Variants in ZNF521 observed in about 807,000 individuals in gnomAD.
The protein encoded by ZNF521 is LYST-interacting protein 3.
ZNF521 carries 14 observed loss-of-function variants against 105.5 expected under a neutral mutation model. The ratio of observed to expected loss-of-function variants is 0.13; its 90% CI spans 0.09 to 0.21. The LOEUF (loss-of-function observed/expected upper bound fraction) is 0.21, where lower values mean the gene tolerates loss of function less well. Among genes scored for constraint, ZNF521 ranks in the 10% least tolerant of loss-of-function variants. The pLI is 1.00. For missense variants in ZNF521, 1,233 were observed against 1,629.7 expected, an observed-to-expected ratio of 0.76 and a Z score of 4.19; for synonymous variants, 635 against 606.0, an observed-to-expected ratio of 1.05 and a Z score of -0.70.
chr18:25,259,613 G>A (rs1908769169), intron 3 of ZNF521, among the ~76,000 whole-genome samples: 4 of 152,042 alleles, frequency 2.6e-5, no homozygotes, highest in African/African-American at 9.7e-5. Flanking sequence ...GGGTCCAGGT[G>A]AACTAGAATT....
At chr18:25,093,411 C>T (rs564623976) in intron 5 of ZNF521, among the ~76,000 whole-genome samples, 5 of 152,202 alleles carry the variant, frequency 3.3e-5, no homozygotes, top group Non-Finnish European at 5.9e-5. Flanking sequence ...TGAAAGACAC[C>T]GTCACACTAC....
chr18:25,183,779 T>G (rs1333849424), intron 5 of ZNF521, among the ~76,000 whole-genome samples: 1 of 152,180 alleles, frequency 6.6e-6, no homozygotes, highest in African/African-American at 2.4e-5. Flanking sequence ...AACAGATGCA[T>G]TTTAAAAAGT....
chr18:25,116,394 A>G (rs1042849324), intron 5 of ZNF521, among the ~76,000 whole-genome samples: 3 of 152,164 alleles, frequency 2.0e-5, no homozygotes, highest in African/African-American at 7.2e-5. Context: ...CCATTCTGGG[A>G]ATCAGTTTAT....
intron 5 of ZNF521, among the ~76,000 whole-genome samples, chr18:25,182,524 T>C (rs58476263): frequency 0.024 from 3,697 of 152,306 alleles, 157 homozygotes; most frequent in African/African-American, 0.085. Flanking sequence ...CCCTTCCCTT[T>C]TCCTTCATGT....
intron 5 of ZNF521, among the ~76,000 whole-genome samples, chr18:25,157,517 C>T (rs891950632): frequency 3.3e-5 from 5 of 152,182 alleles, no homozygotes; most frequent in African/African-American, 9.7e-5. Flanking sequence ...AGAAGAGCAA[C>T]ACGTTGGTAA....
intron 5 of ZNF521, among the ~76,000 whole-genome samples, chr18:25,158,466 A>G (rs937524195): frequency 6.6e-6 from 1 of 152,138 alleles, no homozygotes; most frequent in Non-Finnish European, 1.5e-5. Flanking sequence ...AATACAGATT[A>G]TTCAAAGGAA....
At chr18:25,083,083 G>A (rs554459578) in intron 7 of ZNF521, among the ~76,000 whole-genome samples, 2 of 152,110 alleles carry the variant, frequency 1.3e-5, no homozygotes, top group Admixed American at 6.6e-5. Context: ...CTTGTCTTTC[G>A]TGAAGGGGTA....
intron 2 of ZNF521, 93 bp downstream of exon 2, chr18:25,350,814 C>G: frequency 7.1e-7 from 1 of 1,411,006 alleles, no homozygotes; most frequent in Non-Finnish European, 9.6e-7. Flanking sequence ...CACTCACGCG[C>G]GCACACGCCT....
At chr18:25,333,604 G>A (rs966305807) in intron 2 of ZNF521, among the ~76,000 whole-genome samples, 1 of 152,000 alleles carries the variant, frequency 6.6e-6, no homozygotes, top group African/African-American at 2.4e-5. Context: ...ACAGTGACAG[G>A]TCATGCCCAA....
intron 3 of ZNF521, among the ~76,000 whole-genome samples, chr18:25,301,495 C>T (rs1911638749): frequency 6.6e-6 from 1 of 152,178 alleles, no homozygotes; most frequent in Non-Finnish European, 1.5e-5. Flanking sequence ...CTTTGAACAA[C>T]ACTCCCTACA....
At chr18:25,244,548 G>A (rs1907576529) in intron 3 of ZNF521, among the ~76,000 whole-genome samples, 1 of 152,166 alleles carries the variant, frequency 6.6e-6, no homozygotes, top group Admixed American at 6.5e-5. Flanking sequence ...CAGAGTCTTT[G>A]TTCTGGAAGT....
intron 2 of ZNF521, among the ~76,000 whole-genome samples, chr18:25,337,114 TTG>T (rs1231250392): frequency 1.3e-5 from 2 of 152,180 alleles, no homozygotes; most frequent in Non-Finnish European, 2.9e-5. Context: ...TAATAAATGT[TTG>T]CTAAGCACCT....
At chr18:25,332,836 T>C (rs1913654508) in intron 2 of ZNF521, among the ~76,000 whole-genome samples, 1 of 152,098 alleles carries the variant, frequency 6.6e-6, no homozygotes, top group Admixed American at 6.5e-5. Context: ...AGACAAGTAA[T>C]AAAGACACGA....
intron 3 of ZNF521, among the ~76,000 whole-genome samples, chr18:25,243,477 A>T (rs572283546): frequency 3.9e-5 from 6 of 152,344 alleles, no homozygotes; most frequent in African/African-American, 1.4e-4. Context: ...CTTGTTCAGA[A>T]CTGGATATCA....
intron 3 of ZNF521, among the ~76,000 whole-genome samples, chr18:25,260,999 T>TA (rs1908871488): frequency 2.6e-5 from 4 of 152,178 alleles, no homozygotes; most frequent in Admixed American, 2.6e-4. Context: ...GGATACTTCA[T>TA]AAAGCAAGCT....
intron 3 of ZNF521, among the ~76,000 whole-genome samples, chr18:25,228,938 C>G (rs554458918): frequency 1.5e-4 from 23 of 152,200 alleles, no homozygotes; most frequent in African/African-American, 5.3e-4. Context: ...TCCAAAGGAG[C>G]ACGATTTTTC....
intron 5 of ZNF521, among the ~76,000 whole-genome samples, chr18:25,124,644 A>C (rs2034505320): frequency 6.6e-6 from 1 of 152,066 alleles, no homozygotes; most frequent in Non-Finnish European, 1.5e-5. Flanking sequence ...GTGTTGTGCA[A>C]ACTTTATCTT....
At chr18:25,174,284 C>G (rs558956520) in intron 5 of ZNF521, among the ~76,000 whole-genome samples, 7 of 152,284 alleles carry the variant, frequency 4.6e-5, no homozygotes, top group Non-Finnish European at 4.4e-5. Context: ...GAAACCACCA[C>G]AGAGACAACA....
chr18:25,296,904 G>T (rs1911347846), intron 3 of ZNF521, among the ~76,000 whole-genome samples: 1 of 152,016 alleles, frequency 6.6e-6, no homozygotes, highest in African/African-American at 2.4e-5. Flanking sequence ...TTCAGTATAA[G>T]AAATAAATAG....
Sources: allele counts gnomAD v4.1 joint callset (sites outside exome capture counted in the v4.1 genomes callset), GRCh38; gene constraint gnomAD v4.1.1; transcripts MANE v1.5; gene names NCBI Gene and HGNC (gene_info 2026-07-23, HGNC 2026-07-21).